Variants in NOL4L observed in about 807,000 individuals in gnomAD.
NOL4L encodes nucleolar protein 4 like, also known as nucleolar protein 4-like.
NOL4L carries 7 observed loss-of-function variants against 64.5 expected under a neutral mutation model. The observed-to-expected ratio is 0.11, with a 90% CI of 0.06 to 0.20. The LOEUF (loss-of-function observed/expected upper bound fraction) is 0.20, where lower values mean the gene tolerates loss of function less well. NOL4L is among the 10% of genes least tolerant of loss of function. The probability of loss-of-function intolerance (pLI) is 1.00; values close to 1 mark genes in which losing one functional copy is unlikely to be tolerated. For missense variants in NOL4L, 680 were observed against 967.1 expected, an observed-to-expected ratio of 0.70 and a Z score of 3.94; for synonymous variants, 413 against 401.0, an observed-to-expected ratio of 1.03 and a Z score of -0.36.
chr20:32,584,025 C>T (rs1209663680), intron 1 of NOL4L, among the ~76,000 whole-genome samples: 1 of 146,942 alleles, frequency 6.8e-6, no homozygotes, highest in African/African-American at 2.5e-5. Flanking sequence ...CGACAGTGCC[C>T]GGGCGGGCCC....
intron 2 of NOL4L, among the ~76,000 whole-genome samples, chr20:32,523,181 C>T (rs1013008707): frequency 2.0e-5 from 3 of 152,154 alleles, no homozygotes; most frequent in African/African-American, 7.2e-5. Flanking sequence ...TGAGCACACA[C>T]CTTCTGGCCC....
At chr20:32,503,403 T>G (rs293561) in intron 4 of NOL4L, among the ~76,000 whole-genome samples, 71,629 of 151,942 alleles carry the variant, frequency 0.47, 18,229 homozygotes, top group East Asian at 0.98. Context: ...CTGGGAGTAG[T>G]GAAGACAGTT....
intron 1 of NOL4L, chr20:32,537,067 C>A (rs1201863713): frequency 3.0e-5 from 30 of 985,008 alleles, no homozygotes; most frequent in Non-Finnish European, 3.6e-5. Flanking sequence ...CCCCGCCCCC[C>A]CGGGACGCTG....
At position 32,584,680 on chromosome 20, in the gene NOL4L, C is replaced by G. The variant is rs1431476660; in HGVS notation, c.211G>C (p.Gly71Arg). Residue 71 changes from glycine to arginine, a missense_variant, in exon 1 of 11, where the codon GGC becomes CGC. Around this residue, in one of 4 missense-constraint regions of NOL4L, gnomAD observed 181 missense variants for 335.2 expected, o/e 0.54. Transcript: ENST00000621426. ...CAGAACTGGAACTTGCCTTTCTCGC[C>G]GGCTGCGGGGCCGCTGCCCGCGCCA... ...GTGAGSGPAA[G>R]EKGKFQFWVR... 3 of 1,548,004 alleles carry G rather than the reference C, an allele frequency of 1.9e-6. No homozygotes were observed. Among genetic ancestry groups the G allele is most frequent in the Non-Finnish European group, 2.6e-6 (3 of 1,145,726 alleles).
chr20:32,554,248 A>G (rs1392731639), intron 1 of NOL4L, among the ~76,000 whole-genome samples: 1 of 149,662 alleles, frequency 6.7e-6, no homozygotes, highest in Non-Finnish European at 1.5e-5. Context: ...ATGAACCCGG[A>G]AGGCAGAGCT....
intron 4 of NOL4L, among the ~76,000 whole-genome samples, chr20:32,488,521 C>A (rs1449097808): frequency 6.6e-6 from 1 of 152,222 alleles, no homozygotes; most frequent in Non-Finnish European, 1.5e-5. Flanking sequence ...AAATGCTACA[C>A]TAGTTTACTC....
chr20:32,504,483 C>G (rs1333020039), intron 4 of NOL4L, among the ~76,000 whole-genome samples: 3 of 151,586 alleles, frequency 2.0e-5, no homozygotes, highest in Non-Finnish European at 4.4e-5. Context: ...TGGTGTGTAC[C>G]CAGGAGATGG....
chr20:32,480,258 G>C (rs1269162439), intron 4 of NOL4L, among the ~76,000 whole-genome samples: 1 of 152,210 alleles, frequency 6.6e-6, no homozygotes, highest in Non-Finnish European at 1.5e-5. Flanking sequence ...TCTACAGCTT[G>C]CTTGAGAAAG....
intron 1 of NOL4L, chr20:32,535,586 C>G: frequency 2.0e-6 from 2 of 985,610 alleles, no homozygotes; most frequent in Non-Finnish European, 2.4e-6. Flanking sequence ...CATCTTCTTT[C>G]AAATCACGCT....
At chr20:32,566,289 G>A (rs550970803) in intron 1 of NOL4L, among the ~76,000 whole-genome samples, 287 of 152,186 alleles carry the variant, frequency 1.9e-3, no homozygotes, top group African/African-American at 6.6e-3. Context: ...GGCCATCTGC[G>A]AATCCGTCAC....
chr20:32,455,517 G>A (rs1212411543), intron 6 of NOL4L, among the ~76,000 whole-genome samples: 1 of 152,224 alleles, frequency 6.6e-6, no homozygotes, highest in African/African-American at 2.4e-5. Flanking sequence ...GGCCCAGGTT[G>A]GAGAAGAGGC....
At chr20:32,452,737 C>G in intron 9 of NOL4L, 147 bp downstream of exon 9, 6 of 1,288,840 alleles carry the variant, frequency 4.7e-6, no homozygotes, top group South Asian at 2.8e-5. Flanking sequence ...CCTCCACCCA[C>G]CTCCTCTCCT....
chr20:32,567,844 AC>A (rs1410725449), intron 1 of NOL4L, among the ~76,000 whole-genome samples: 5 of 151,948 alleles, frequency 3.3e-5, no homozygotes, highest in African/African-American at 4.8e-5. Context: ...GCCATCACAC[AC>A]ACCACCATCA....
At chr20:32,559,709 G>A (rs1978881720) in intron 1 of NOL4L, among the ~76,000 whole-genome samples, 1 of 152,208 alleles carries the variant, frequency 6.6e-6, no homozygotes, top group Admixed American at 6.5e-5. Flanking sequence ...CCCAGTGGCT[G>A]CCACTGTTCC....
intron 1 of NOL4L, among the ~76,000 whole-genome samples, chr20:32,576,433 G>A (rs1487995789): frequency 6.6e-6 from 1 of 152,216 alleles, no homozygotes; most frequent in Non-Finnish European, 1.5e-5. Context: ...ACTCTCAGGT[G>A]TGGCCGAGGA....
chr20:32,567,876 T>TCAC (rs540385898), intron 1 of NOL4L, among the ~76,000 whole-genome samples: 14 of 151,544 alleles, frequency 9.2e-5, no homozygotes, highest in Non-Finnish European at 1.9e-4. Context: ...ACCATTGTCA[T>TCAC]CACCACCACC....
intron 1 of NOL4L, among the ~76,000 whole-genome samples, chr20:32,568,818 G>A (rs1049789176): frequency 6.6e-6 from 1 of 152,190 alleles, no homozygotes; most frequent in African/African-American, 2.4e-5. Context: ...GGAACTGGAG[G>A]AGCCTGCTTG....
Position 32,501,692 on chromosome 20 carries a change from T to A in NOL4L, c.699+9655A>T, listed in dbSNP as rs1453203609. On this transcript the variant is annotated intron_variant, in intron 4 of 10. Transcript: ENST00000621426. ...CAAAAATAGTCTATCAAAAAAAAAA[T>A]GAAAACATAAAAATACTAAAAGAAA... Among the ~76,000 whole-genome samples the A allele has an allele frequency of 4.6e-5, 7 of 151,074 alleles. No individual in the cohort carries two copies. In the East Asian group the frequency reaches 7.7e-4, roughly 17 times the overall value.
At chr20:32,550,160 G>A (rs1033073800) in intron 1 of NOL4L, among the ~76,000 whole-genome samples, 3 of 152,200 alleles carry the variant, frequency 2.0e-5, no homozygotes, top group Non-Finnish European at 4.4e-5. Context: ...ATCGTTGTGC[G>A]AACATCATAG....
Sources: gnomAD v4.1 joint callset for allele counts (sites outside exome capture counted in the v4.1 genomes callset) on GRCh38, gnomAD v4.1.1 for gene constraint, gnomAD v4.1.1 regional missense constraint, MANE v1.5 for transcripts, NCBI Gene and HGNC (gene_info 2026-07-23, HGNC 2026-07-21) for gene names.